Variants in GALNTL6 observed in about 807,000 individuals in gnomAD.
GALNTL6 encodes polypeptide N-acetylgalactosaminyltransferase-like 6.
A neutral mutation model predicts 73.7 loss-of-function variants in GALNTL6; 46 were observed. That is an observed-to-expected ratio of 0.62 (90% CI 0.49 to 0.80). GALNTL6 has a LOEUF of 0.80. Among genes scored for constraint, GALNTL6 ranks in the 30% least tolerant of loss-of-function variants. GALNTL6 has a pLI of 0.00. For missense variants in GALNTL6, 604 were observed against 755.0 expected (o/e 0.80, Z 2.34); for synonymous variants, 259 against 263.7 (o/e 0.98, Z 0.17).
At position 172,772,388 on chromosome 4, in the gene GALNTL6, G is replaced by A. The variant is rs60413787; in HGVS notation, c.554-36973G>A. ...TCCAGAGATGTAACTGTTTGGTTTTGTGGGTGATAAGAGAAGCTTAAAAAA... is the reference window on the plus strand; with the variant it reads ...TCCAGAGATGTAACTGTTTGGTTTTATGGGTGATAAGAGAAGCTTAAAAAA... On this transcript the variant is annotated intron_variant, in intron 5 of 12. Transcript: ENST00000506823. 2.2e-3 allele frequency among the ~76,000 whole-genome samples: 335 copies of A among 152,308 alleles called. 1 individual carries two copies. Among genetic ancestry groups the A allele is most frequent in the African/African-American group, 7.7e-3 (320 of 41,576 alleles).
chr4:172,376,094 C>T (rs1743020035), intron 5 of GALNTL6, among the ~76,000 whole-genome samples: 2 of 152,182 alleles, frequency 1.3e-5, no homozygotes, highest in Non-Finnish European at 2.9e-5. Context: ...GTCTCCCCTA[C>T]AACAGGGCTT....
At chr4:172,307,967 G>T (rs1432659360) in intron 3 of GALNTL6, among the ~76,000 whole-genome samples, 2 of 117,742 alleles carry the variant, frequency 1.7e-5, no homozygotes, top group African/African-American at 3.1e-5. Context: ...TCACAATATT[G>T]ATTCTACCCA....
At chr4:172,089,829 C>A (rs572143426) in intron 2 of GALNTL6, among the ~76,000 whole-genome samples, 1 of 152,290 alleles carries the variant, frequency 6.6e-6, no homozygotes, top group South Asian at 2.1e-4. Context: ...TTAGGTATTT[C>A]TTCTAATGCT....
chr4:171,903,104 A>G (rs1361264289), intron 2 of GALNTL6, among the ~76,000 whole-genome samples: 1 of 152,182 alleles, frequency 6.6e-6, no homozygotes, highest in African/African-American at 2.4e-5. Flanking sequence ...AAAGAGATTG[A>G]TATCCCTTTG....
At chr4:172,125,831 T>G (rs979583514) in intron 2 of GALNTL6, among the ~76,000 whole-genome samples, 3 of 149,714 alleles carry the variant, frequency 2.0e-5, no homozygotes, top group Non-Finnish European at 4.4e-5. Context: ...AACTGGTTCC[T>G]CTCCATCATG....
chr4:172,564,313 T>C (rs906975777), intron 5 of GALNTL6, among the ~76,000 whole-genome samples: 2 of 152,212 alleles, frequency 1.3e-5, no homozygotes, highest in Non-Finnish European at 2.9e-5. Context: ...GGTTGAGATA[T>C]AAATAGCTTA....
intron 2 of GALNTL6, among the ~76,000 whole-genome samples, chr4:172,034,799 A>C (rs1351338726): frequency 2.6e-5 from 4 of 152,158 alleles, no homozygotes; most frequent in Non-Finnish European, 5.9e-5. Context: ...TTTGGGGTAC[A>C]TTGCCTTAGG....
chr4:171,931,454 G>A (rs1398879151), intron 2 of GALNTL6, among the ~76,000 whole-genome samples: 1 of 152,188 alleles, frequency 6.6e-6, no homozygotes, highest in Non-Finnish European at 1.5e-5. Context: ...CAGTTCTACT[G>A]TGGATTAATT....
intron 2 of GALNTL6, among the ~76,000 whole-genome samples, chr4:172,176,294 C>A (rs1280337738): frequency 6.9e-5 from 8 of 116,442 alleles, no homozygotes; most frequent in Admixed American, 1.2e-4. Flanking sequence ...GAGCCGAGAT[C>A]GCGCCACTGC....
At chr4:172,977,637 G>C (rs1750878938) in intron 10 of GALNTL6, among the ~76,000 whole-genome samples, 1 of 152,172 alleles carries the variant, frequency 6.6e-6, no homozygotes, top group Admixed American at 6.5e-5. Context: ...ATTCATGGCA[G>C]GCTGCTGGTA....
intron 5 of GALNTL6, among the ~76,000 whole-genome samples, chr4:172,472,062 T>G (rs553178509): frequency 6.6e-6 from 1 of 152,170 alleles, no homozygotes; most frequent in African/African-American, 2.4e-5. Context: ...TAGTACAACA[T>G]CTCCATGCTA....
intron 5 of GALNTL6, among the ~76,000 whole-genome samples, chr4:172,781,999 T>C (rs1739393448): frequency 6.6e-6 from 1 of 151,818 alleles, no homozygotes; most frequent in Admixed American, 6.6e-5. Flanking sequence ...AAGGCTTGAG[T>C]CTTTGGGATA....
At chr4:172,953,442 T>C (rs1000701512) in intron 10 of GALNTL6, among the ~76,000 whole-genome samples, 7 of 152,200 alleles carry the variant, frequency 4.6e-5, no homozygotes, top group African/African-American at 1.4e-4. Flanking sequence ...TTGTCTCGCA[T>C]TGTGGAAGAG....
intron 5 of GALNTL6, among the ~76,000 whole-genome samples, chr4:172,516,972 A>C (rs904570301): frequency 6.6e-6 from 1 of 152,202 alleles, no homozygotes; most frequent in African/African-American, 2.4e-5. Flanking sequence ...TGAGGTATCT[A>C]CAGCAGTCAC....
chr4:172,551,802 A>G (rs1466268215), intron 5 of GALNTL6, among the ~76,000 whole-genome samples: 3 of 152,154 alleles, frequency 2.0e-5, no homozygotes, highest in African/African-American at 7.2e-5. Context: ...GAGGATTTTC[A>G]AATACCTGTA....
chr4:171,938,658 CTT>C (rs1738427850), intron 2 of GALNTL6, among the ~76,000 whole-genome samples: 1 of 152,122 alleles, frequency 6.6e-6, no homozygotes, highest in African/African-American at 2.4e-5. Context: ...AAGACACACT[CTT>C]TCTCTTAAAA....
chr4:171,895,317 A>T (rs531530789), intron 2 of GALNTL6, among the ~76,000 whole-genome samples: 4 of 152,186 alleles, frequency 2.6e-5, no homozygotes, highest in African/African-American at 9.7e-5. Flanking sequence ...CCCTTGCGTG[A>T]AAAAAGCTCC....
At chr4:172,822,063 C>G (rs1001781486) in intron 7 of GALNTL6, among the ~76,000 whole-genome samples, 14 of 152,320 alleles carry the variant, frequency 9.2e-5, no homozygotes, top group Admixed American at 7.2e-4. Flanking sequence ...TTTCTTCCCT[C>G]TCCCTATGGG....
intron 2 of GALNTL6, among the ~76,000 whole-genome samples, chr4:171,836,944 T>C (rs1472506053): frequency 6.6e-6 from 1 of 152,178 alleles, no homozygotes; most frequent in Non-Finnish European, 1.5e-5. Flanking sequence ...TGTGCATTCA[T>C]GTTTTGTAAT....
Sources: allele counts gnomAD v4.1 joint callset (sites outside exome capture counted in the v4.1 genomes callset), GRCh38; gene constraint gnomAD v4.1.1; transcripts MANE v1.5; gene names NCBI Gene and HGNC (gene_info 2026-07-23, HGNC 2026-07-21).